The following PEX14 variants were observed in gnomAD, a reference collection of about 807,000 sequenced individuals.
PEX14 encodes the protein peroxisomal membrane protein PEX14.
Under a neutral mutation model 49.5 loss-of-function variants are expected in PEX14, and 15 were observed. The observed-to-expected ratio is 0.30, with a 90% confidence interval of 0.20 to 0.47. The LOEUF (loss-of-function observed/expected upper bound fraction) is 0.47. Among genes scored for constraint, PEX14 ranks in the 20% least tolerant of loss-of-function variants. PEX14 has a pLI of 1.00. For synonymous variants in PEX14, 210 were observed against 212.7 expected (o/e 0.99, Z 0.11); for missense variants, 398 against 494.8 (o/e 0.80, Z 1.86).
intron 1 of PEX14, among the ~76,000 whole-genome samples, chr1:10,486,508 T>C (rs1345692048): frequency 6.6e-6 from 1 of 151,912 alleles, no homozygotes; most frequent in Non-Finnish European, 1.5e-5. Context: ...AGCGAGGCTC[T>C]GTCTCTATAC....
At position 10,629,385 on chromosome 1, in the gene PEX14, G is replaced by T. The variant is rs567459379; in HGVS notation, c.678-146G>T. ...ATCTTTGCTCCTGAAAGGAGGGGTG[G>T]AAGGGCTCCATCCTGTCCCTTGCCC... On this transcript the variant is annotated intron_variant, in intron 8 of 8. Transcript: ENST00000356607. The surrounding 1 kb of genome is among the most constrained non-coding windows in gnomAD (Gnocchi z 8.5). 6 of 681,650 alleles carry T rather than the reference G, an allele frequency of 8.8e-6. No individual in the cohort carries two copies. In the East Asian group the frequency reaches 1.2e-4, roughly 14 times the overall value. The allele number at this position is 681,650 out of a possible 1,614,324, so 42.2% of individuals were successfully genotyped here.
intron 2 of PEX14, among the ~76,000 whole-genome samples, chr1:10,532,449 A>G (rs1156342775): frequency 4.6e-5 from 7 of 152,078 alleles, no homozygotes; most frequent in Non-Finnish European, 8.8e-5. Flanking sequence ...TGTTGTCTTT[A>G]TTTTGATTAA....
intron 2 of PEX14, among the ~76,000 whole-genome samples, chr1:10,534,465 T>A (rs1182050047): frequency 6.6e-6 from 1 of 152,186 alleles, no homozygotes; most frequent in Middle Eastern, 3.4e-3. Flanking sequence ...ACCCATCCCC[T>A]TTTCTTTTTT....
At chr1:10,605,851 G>A (rs536318966) in intron 4 of PEX14, among the ~76,000 whole-genome samples, 3 of 152,262 alleles carry the variant, frequency 2.0e-5, no homozygotes, top group South Asian at 2.1e-4. Flanking sequence ...TCTTTTGTCC[G>A]TGGTGCCGGT....
At chr1:10,538,016 A>G (rs1326569618) in intron 3 of PEX14, among the ~76,000 whole-genome samples, 2 of 152,354 alleles carry the variant, frequency 1.3e-5, no homozygotes, top group African/African-American at 2.4e-5. Flanking sequence ...TGTGCACCCT[A>G]TGCCCTGTCC....
intron 3 of PEX14, among the ~76,000 whole-genome samples, chr1:10,546,320 C>A (rs1485407749): frequency 6.6e-6 from 1 of 152,128 alleles, no homozygotes; most frequent in Non-Finnish European, 1.5e-5. Flanking sequence ...AATCCCAGCA[C>A]TTTGGGAGGC....
chr1:10,555,362 C>T (rs1639454981), intron 3 of PEX14, among the ~76,000 whole-genome samples: 1 of 152,034 alleles, frequency 6.6e-6, no homozygotes, highest in South Asian at 2.1e-4. Context: ...TCCCTACATA[C>T]AGAGTCGGGG....
intron 2 of PEX14, among the ~76,000 whole-genome samples, chr1:10,522,592 C>T (rs1638338088): frequency 2.0e-5 from 3 of 152,234 alleles, no homozygotes; most frequent in South Asian, 2.1e-4. Flanking sequence ...CAGCATCTTT[C>T]CTGCTTCTAT....
At chr1:10,507,599 T>C (rs924542554) in intron 2 of PEX14, among the ~76,000 whole-genome samples, 23 of 152,202 alleles carry the variant, frequency 1.5e-4, no homozygotes, top group African/African-American at 5.3e-4. Context: ...CAAGGTGCTA[T>C]GCCCCTGGTA....
chr1:10,515,693 G>A (rs147174821), intron 2 of PEX14, among the ~76,000 whole-genome samples: 5 of 152,256 alleles, frequency 3.3e-5, no homozygotes, highest in African/African-American at 1.2e-4. Flanking sequence ...GAATGTCTTG[G>A]TTGAAAAACC....
Position 10,630,344 on chromosome 1 carries a change from G to C in PEX14, c.*357G>C, listed in dbSNP as rs572303701. 1 of 358,390 alleles carries C rather than the reference G, an allele frequency of 2.8e-6. No homozygotes were observed. The highest frequency in any genetic ancestry group is 2.1e-5 in the African/African-American group (1 of 48,220). 22.2% of individuals were successfully genotyped at this position (358,390 alleles called of 1,614,324 possible). A position where few individuals can be genotyped will look rare whatever the true frequency, so the allele number is the denominator to read the frequency against. ...GTGTTTGCTGAGTGTCTTGACTACC[G>C]TGACACCACGCATGGCCAGAGCTAG... On this transcript the variant is annotated 3_prime_UTR_variant, in exon 9 of 9. Transcript: ENST00000356607. This position sits in a 1 kb window ranked among gnomAD's most constrained non-coding sequence, Gnocchi z 4.1.
intron 3 of PEX14, among the ~76,000 whole-genome samples, chr1:10,585,704 G>T (rs531187579): frequency 2.2e-4 from 33 of 152,354 alleles, no homozygotes; most frequent in African/African-American, 7.5e-4. Context: ...CAGATCACCT[G>T]AGGTCAGGAG....
At chr1:10,502,339 A>C (rs943680798) in intron 2 of PEX14, among the ~76,000 whole-genome samples, 2 of 152,074 alleles carry the variant, frequency 1.3e-5, no homozygotes, top group African/African-American at 4.8e-5. Context: ...AACTTGAGCA[A>C]AGCCTCATAC....
chr1:10,518,757 TC>T (rs1254915612), intron 2 of PEX14, among the ~76,000 whole-genome samples: 1 of 152,240 alleles, frequency 6.6e-6, no homozygotes, highest in Non-Finnish European at 1.5e-5. Context: ...CTTCCTGCGT[TC>T]CCAGCCCTTG....
intron 3 of PEX14, among the ~76,000 whole-genome samples, chr1:10,552,682 G>A (rs1639369202): frequency 6.6e-6 from 1 of 152,110 alleles, no homozygotes; most frequent in Admixed American, 6.5e-5. Context: ...TAGTTTAGTG[G>A]GGTTCCATGA....
intron 3 of PEX14, among the ~76,000 whole-genome samples, chr1:10,592,004 T>G (rs1369046146): frequency 4.9e-5 from 5 of 102,446 alleles, no homozygotes; most frequent in Non-Finnish European, 1.0e-4. Flanking sequence ...AAACTCCAAT[T>G]TTTCTTGCAG....
At chr1:10,595,028 T>G (rs756163254) in intron 3 of PEX14, among the ~76,000 whole-genome samples, 3 of 152,088 alleles carry the variant, frequency 2.0e-5, no homozygotes, top group Non-Finnish European at 4.4e-5. Flanking sequence ...TCACTTGTTC[T>G]GTCCTTTTAA....
At chr1:10,570,376 A>C (rs1417047823) in intron 3 of PEX14, among the ~76,000 whole-genome samples, 2 of 152,094 alleles carry the variant, frequency 1.3e-5, no homozygotes, top group African/African-American at 4.8e-5. Flanking sequence ...CTCTGTCGCC[A>C]GGCTGGAGTG....
rs148365356 is a variant in PEX14, at chr1:10,599,327, G to A, written c.259G>A (p.Val87Ile). Residue 87 changes from valine (V) to isoleucine (I), a missense_variant, in exon 4 of 9, where the codon GTT becomes ATT. Val to Ile is a conservative substitution (Grantham distance 29, BLOSUM62 3). This residue lies in a region of PEX14 where 202 missense variants were observed against 298.5 expected (regional missense o/e 0.68). Coordinates refer to ENST00000356607, the MANE Select transcript of PEX14 (RefSeq NM_004565.3). ...GTCCTTGGGCCCAGCCACACAGGTGGTTCCTGTCCAGCCCCCTCACCTCAT... is the reference window on the plus strand; with the variant it reads ...GTCCTTGGGCCCAGCCACACAGGTGATTCCTGTCCAGCCCCCTCACCTCAT... Reference protein sequence around the residue: ...PSSLGPATQVVPVQPPHLISQ... With the variant: ...PSSLGPATQVIPVQPPHLISQ... The A allele has an allele frequency of 3.1e-6, 5 of 1,614,068 alleles. No individual in the cohort carries two copies. The African/African-American group carries it at 6.7e-5, about 22-fold the overall frequency.
Sources: allele counts gnomAD v4.1 joint callset (sites outside exome capture counted in the v4.1 genomes callset), GRCh38; gene constraint gnomAD v4.1.1; regional missense constraint gnomAD v4.1.1; non-coding constraint Gnocchi (gnomAD v3.1); transcripts MANE v1.5; gene names NCBI Gene and HGNC (gene_info 2026-07-23, HGNC 2026-07-21).